Variants in GRK5 observed in about 807,000 individuals in gnomAD.
The protein encoded by GRK5 is G protein-coupled receptor kinase 5, also known as g protein-coupled receptor kinase GRK5.
A neutral mutation model predicts 78.4 loss-of-function variants in GRK5; 40 were observed. The ratio of observed to expected loss-of-function variants is 0.51; its 90% CI spans 0.40 to 0.66. The LOEUF (loss-of-function observed/expected upper bound fraction) is 0.66, where lower values mean the gene tolerates loss of function less well. GRK5 is among the 30% of genes least tolerant of loss of function. The pLI is 0.00. For missense variants in GRK5, 598 were observed against 759.9 expected (o/e 0.79, Z 2.50); for synonymous variants, 289 against 296.8 (o/e 0.97, Z 0.27).
chr10:119,425,294 C>CACACACACAA (rs1554920958), intron 6 of GRK5, among the ~76,000 whole-genome samples: 11 of 150,974 alleles, frequency 7.3e-5, no homozygotes, highest in Non-Finnish European at 1.6e-4. Flanking sequence ...CACACACACA[C>CACACACACAA]ACAAACACAC....
At chr10:119,366,955 T>C (rs183630194) in intron 2 of GRK5, among the ~76,000 whole-genome samples, 148 of 152,338 alleles carry the variant, frequency 9.7e-4, no homozygotes, top group Admixed American at 1.6e-3. Context: ...AGTGTCTCGA[T>C]TTTAGGCATC....
intron 1 of GRK5, among the ~76,000 whole-genome samples, chr10:119,210,472 T>C (rs891671654): frequency 6.6e-6 from 1 of 152,228 alleles, no homozygotes; most frequent in Non-Finnish European, 1.5e-5. Context: ...TTTATGTTTC[T>C]CTTCTCAGTT....
chr10:119,382,252 T>TAGGGGAGG (rs1851724026), intron 3 of GRK5, among the ~76,000 whole-genome samples: 1 of 152,180 alleles, frequency 6.6e-6, no homozygotes, highest in Non-Finnish European at 1.5e-5. Context: ...GCCTTGGGCT[T>TAGGGGAGG]CGGGCAGGCT....
intron 1 of GRK5, among the ~76,000 whole-genome samples, chr10:119,313,268 A>G (rs1219748213): frequency 2.8e-5 from 3 of 108,154 alleles, no homozygotes; most frequent in South Asian, 3.1e-4. Flanking sequence ...TGGTGGTGGT[A>G]ATAGTGGTGA....
At chr10:119,347,423 G>A (rs1453801900) in intron 2 of GRK5, among the ~76,000 whole-genome samples, 1 of 152,160 alleles carries the variant, frequency 6.6e-6, no homozygotes, top group Non-Finnish European at 1.5e-5. Flanking sequence ...ATACATGCAA[G>A]TTTGTATGTG....
intron 1 of GRK5, among the ~76,000 whole-genome samples, chr10:119,312,379 A>G (rs1417291224): frequency 1.3e-5 from 2 of 152,226 alleles, no homozygotes; most frequent in South Asian, 2.1e-4. Flanking sequence ...CCCAAGGAGC[A>G]GGAGGAGGGT....
At chr10:119,300,045 A>G (rs920353485) in intron 1 of GRK5, among the ~76,000 whole-genome samples, 1 of 151,974 alleles carries the variant, frequency 6.6e-6, no homozygotes, top group Non-Finnish European at 1.5e-5. Flanking sequence ...TTCCTGGTGT[A>G]CTCAGCTTCC....
chr10:119,347,659 G>A (rs1851120043), intron 2 of GRK5, among the ~76,000 whole-genome samples: 1 of 152,258 alleles, frequency 6.6e-6, no homozygotes, highest in Non-Finnish European at 1.5e-5. Flanking sequence ...CAGATGGCCT[G>A]AATTCTACCA....
At position 119,262,984 on chromosome 10, in the gene GRK5, T is replaced by C. The variant is rs1008768514; in HGVS notation, c.52+55015T>C. Among the ~76,000 whole-genome samples, 10 of 152,318 alleles carry C rather than the reference T, an allele frequency of 6.6e-5. No homozygotes were observed. The South Asian group carries it at 1.2e-3, about 19-fold the overall frequency. ...GGTCAAAGTTGTTGGGAAATATTTC[T>C]TACTATATCTCTTGGAGATTCACAA... On this transcript the variant is annotated intron_variant, in intron 1 of 15. Transcript: ENST00000392870.
chr10:119,424,199 G>T (rs1423770603), intron 5 of GRK5, among the ~76,000 whole-genome samples: 5 of 152,154 alleles, frequency 3.3e-5, no homozygotes, highest in Admixed American at 6.5e-5. Context: ...CTCTGACCCT[G>T]AGGGAATGGC....
intron 2 of GRK5, among the ~76,000 whole-genome samples, chr10:119,343,484 GC>G (rs1292301741): frequency 3.3e-5 from 5 of 152,238 alleles, no homozygotes; most frequent in Non-Finnish European, 5.9e-5. Context: ...TTGGTAAGTT[GC>G]TCACAGGCAC....
intron 3 of GRK5, among the ~76,000 whole-genome samples, chr10:119,385,765 G>A (rs185689897): frequency 1.3e-5 from 2 of 152,314 alleles, no homozygotes; most frequent in African/African-American, 4.8e-5. Flanking sequence ...TTAGGCACAC[G>A]CGCCTTGGGA....
chr10:119,339,293 T>A (rs879798282), intron 2 of GRK5, among the ~76,000 whole-genome samples: 3 of 152,250 alleles, frequency 2.0e-5, no homozygotes, highest in African/African-American at 7.2e-5. Flanking sequence ...CCAGCCACCC[T>A]GCAGCAGCCT....
chr10:119,448,408 T>C lies in GRK5; in HGVS notation c.1404+148T>C. On this transcript the variant is annotated intron_variant, in intron 13 of 15. Coordinates refer to ENST00000392870, the MANE Select transcript of GRK5 (RefSeq NM_005308.3). ...GGTCCCCTCCCGGCCACTCCTCACCTAAGCTGCAGATGAACTTCACGCCAG... is the reference window on the plus strand; with the variant it reads ...GGTCCCCTCCCGGCCACTCCTCACCCAAGCTGCAGATGAACTTCACGCCAG... The C allele has an allele frequency of 9.0e-6, 8 of 893,738 alleles. No homozygotes were observed. In the South Asian group the frequency reaches 1.5e-4, roughly 17 times the overall value. The allele number at this position is 893,738 out of a possible 1,614,324, so 55.4% of individuals were successfully genotyped here.
chr10:119,344,700 C>T (rs908876653), intron 2 of GRK5, among the ~76,000 whole-genome samples: 1 of 152,144 alleles, frequency 6.6e-6, no homozygotes, highest in African/African-American at 2.4e-5. Context: ...TGCGTGGGGC[C>T]GTCTAGCCCG....
chr10:119,385,761 A>C (rs905822516), intron 3 of GRK5, among the ~76,000 whole-genome samples: 9 of 152,202 alleles, frequency 5.9e-5, no homozygotes, highest in Admixed American at 1.3e-4. Context: ...CGTTTTAGGC[A>C]CACGCGCCTT....
At chr10:119,227,907 C>T (rs529364626) in intron 1 of GRK5, among the ~76,000 whole-genome samples, 1 of 152,182 alleles carries the variant, frequency 6.6e-6, no homozygotes, top group South Asian at 2.1e-4. Flanking sequence ...ATATAGACAT[C>T]AAAAGCCTTA....
At chr10:119,319,599 T>C (rs943317682) in intron 1 of GRK5, among the ~76,000 whole-genome samples, 1 of 152,250 alleles carries the variant, frequency 6.6e-6, no homozygotes, top group African/African-American at 2.4e-5. Flanking sequence ...CCATGTCCTC[T>C]TCCCTGACTC....
At chr10:119,332,568 T>A (rs1850799521) in intron 2 of GRK5, among the ~76,000 whole-genome samples, 1 of 152,284 alleles carries the variant, frequency 6.6e-6, no homozygotes, top group African/African-American at 2.4e-5. Flanking sequence ...GAAGTGCAAA[T>A]TTTCAGTTAG....
Sources: gnomAD v4.1 joint callset for allele counts (sites outside exome capture counted in the v4.1 genomes callset) on GRCh38, gnomAD v4.1.1 for gene constraint, MANE v1.5 for transcripts, NCBI Gene and HGNC (gene_info 2026-07-23, HGNC 2026-07-21) for gene names.